Variants in EPHA6 observed in about 807,000 individuals in gnomAD.
EPHA6 encodes ephrin type-A receptor 6.
In EPHA6, 50 loss-of-function variants were observed where a neutral mutation model predicts 112.0. The ratio of observed to expected loss-of-function variants is 0.45; its 90% confidence interval spans 0.36 to 0.56. EPHA6 has a LOEUF of 0.56. EPHA6 is among the 20% of genes least tolerant of loss of function. EPHA6 has a pLI of 0.00. For missense variants in EPHA6, 1,280 were observed against 1,417.4 expected (o/e 0.90, Z 1.56); for synonymous variants, 529 against 490.7 (o/e 1.08, Z -1.03).
At chr3:97,021,686 G>C (rs2044466419) in intron 3 of EPHA6, among the ~76,000 whole-genome samples, 1 of 152,188 alleles carries the variant, frequency 6.6e-6, no homozygotes, top group Non-Finnish European at 1.5e-5. Flanking sequence ...TTGTGCACTT[G>C]TCTCTTCTTC....
rs553667948 is a variant in EPHA6 at position 97,240,285 on chromosome 3, C to T, written c.1271-3667C>T. Among the ~76,000 whole-genome samples, 14 of 151,724 alleles carry T rather than the reference C, an allele frequency of 9.2e-5. No homozygotes were observed. In the East Asian group the frequency reaches 2.3e-3, roughly 25 times the overall value. On this transcript the variant is annotated intron_variant, in intron 4 of 17. Transcript: ENST00000389672. ...GTGTTCCTTTAATCTTGTCTTTAAC[C>T]CAGATTAGCATAGAACTATTTTTCT...
intron 5 of EPHA6, among the ~76,000 whole-genome samples, chr3:97,255,144 ATGTGTGTGTGTG>A (rs10631180): frequency 1.0e-4 from 15 of 144,370 alleles, no homozygotes; most frequent in South Asian, 2.3e-4. Context: ...TACATCTTGG[ATGTGTGTGTGTG>A]TGTGTGTGTG....
intron 13 of EPHA6, among the ~76,000 whole-genome samples, chr3:97,625,286 A>G (rs2093846234): frequency 6.6e-6 from 1 of 151,492 alleles, no homozygotes; most frequent in Non-Finnish European, 1.5e-5. Flanking sequence ...TCTCTTTGTG[A>G]TTTCTTCTTT....
At chr3:97,127,356 T>G (rs2048211068) in intron 3 of EPHA6, among the ~76,000 whole-genome samples, 1 of 152,244 alleles carries the variant, frequency 6.6e-6, no homozygotes, top group East Asian at 1.9e-4. Flanking sequence ...CTTATCTTCT[T>G]CAAGGGATGA....
intron 5 of EPHA6, among the ~76,000 whole-genome samples, chr3:97,344,943 T>C (rs2083467360): frequency 6.6e-6 from 1 of 151,804 alleles, no homozygotes. Flanking sequence ...AAGAATAGGA[T>C]TGGATTTTGT....
intron 5 of EPHA6, among the ~76,000 whole-genome samples, chr3:97,344,594 C>T (rs2083451103): frequency 6.6e-6 from 1 of 152,090 alleles, no homozygotes; most frequent in African/African-American, 2.4e-5. Context: ...CAGACTTACA[C>T]CCCCCAGAAC....
At position 96,985,970 on chromosome 3, in the gene EPHA6, C is replaced by G. The variant is rs113862999; in HGVS notation, c.451-1360C>G. Among the ~76,000 whole-genome samples, 780 of 152,104 alleles carry G rather than the reference C, an allele frequency of 5.1e-3. 7 individuals carry two copies. The highest frequency in any genetic ancestry group is 0.017 in the African/African-American group (707 of 41,512). ...TAAATAACTGAAGTATGTTATCAAC[C>G]AATAGAACCCTTATTCACTATAGCA... On this transcript the variant is annotated intron_variant, in intron 2 of 17. Transcript: ENST00000389672.
At position 97,231,405 on chromosome 3, in the gene EPHA6, G is replaced by A. The variant is rs1201038299; in HGVS notation, c.1270+4986G>A. Among the ~76,000 whole-genome samples, 6 of 152,214 alleles carry A rather than the reference G, an allele frequency of 3.9e-5. No homozygotes were observed. The East Asian group carries it at 7.7e-4, about 20-fold the overall frequency. On this transcript the variant is annotated intron_variant, in intron 4 of 17. Coordinates refer to ENST00000389672, the MANE Select transcript of EPHA6 (RefSeq NM_001080448.3). Reference sequence around the variant, plus strand: ...GAATCTTGGTGATACAAGAGCAAACGGAAAGCTACTCTTTCACCCTCTCTG... The same window carrying A: ...GAATCTTGGTGATACAAGAGCAAACAGAAAGCTACTCTTTCACCCTCTCTG...
intron 10 of EPHA6, among the ~76,000 whole-genome samples, chr3:97,490,463 G>A (rs1390556036): frequency 6.6e-6 from 1 of 152,014 alleles, no homozygotes; most frequent in African/African-American, 2.4e-5. Context: ...TTGAAGAGTT[G>A]TTTATAACTT....
chr3:97,287,134 G>C (rs1004084708), intron 5 of EPHA6, among the ~76,000 whole-genome samples: 2 of 152,114 alleles, frequency 1.3e-5, no homozygotes, highest in Non-Finnish European at 2.9e-5. Flanking sequence ...AGGTCTAAGA[G>C]TCTTTTGGTG....
At chr3:97,629,032 G>GA (rs1259717440) in intron 13 of EPHA6, among the ~76,000 whole-genome samples, 1 of 151,952 alleles carries the variant, frequency 6.6e-6, no homozygotes, top group African/African-American at 2.4e-5. Context: ...TTCTGGGCTT[G>GA]AAATTCTCCC....
intron 3 of EPHA6, among the ~76,000 whole-genome samples, chr3:97,116,354 T>C (rs1245235637): frequency 1.3e-5 from 2 of 151,698 alleles, no homozygotes; most frequent in East Asian, 3.9e-4. Flanking sequence ...TATCTGTGTG[T>C]ATATATGAAA....
chr3:97,542,825 T>A (rs2092883217), intron 11 of EPHA6, among the ~76,000 whole-genome samples: 1 of 152,208 alleles, frequency 6.6e-6, no homozygotes, highest in Non-Finnish European at 1.5e-5. Context: ...TGGTTTTGAT[T>A]TGCATTTCTC....
chr3:97,445,684 G>A (rs1489287534), intron 6 of EPHA6, among the ~76,000 whole-genome samples: 1 of 151,214 alleles, frequency 6.6e-6, no homozygotes, highest in Admixed American at 6.6e-5. Context: ...AGTAAGAACA[G>A]ATATCAAATG....
At position 97,255,453 on chromosome 3, in the gene EPHA6, C is replaced by T. The variant is rs899299662; in HGVS notation, c.1606+11166C>T. ...ACTTTGAGTTTTAGTTTTCTCTTATCGTTCAAACCCTTAACATTTGCCACT... is the reference window on the plus strand; with the variant it reads ...ACTTTGAGTTTTAGTTTTCTCTTATTGTTCAAACCCTTAACATTTGCCACT... On this transcript the variant is annotated intron_variant, in intron 5 of 17. Coordinates refer to ENST00000389672, the MANE Select transcript of EPHA6 (RefSeq NM_001080448.3). 4.6e-5 allele frequency among the ~76,000 whole-genome samples: 7 copies of T among 152,092 alleles called. No individual in the cohort carries two copies. In the South Asian group the frequency reaches 8.3e-4, roughly 18 times the overall value.
chr3:97,465,956 T>C, intron 7 of EPHA6, among the ~76,000 whole-genome samples: 1 of 151,562 alleles, frequency 6.6e-6, no homozygotes, highest in East Asian at 1.9e-4. Context: ...AGAAATGTTG[T>C]CTGCCCATTT....
chr3:97,736,912 T>G (rs139297463), intron 16 of EPHA6, among the ~76,000 whole-genome samples: 1 of 152,170 alleles, frequency 6.6e-6, no homozygotes, highest in East Asian at 1.9e-4. Flanking sequence ...GCTCACCTTC[T>G]TCACTCAGGG....
At chr3:97,696,899 T>C (rs1016688681) in intron 14 of EPHA6, among the ~76,000 whole-genome samples, 1 of 152,204 alleles carries the variant, frequency 6.6e-6, no homozygotes, top group African/African-American at 2.4e-5. Context: ...ACAGTGTCAG[T>C]GTGCAGGCTC....
intron 10 of EPHA6, among the ~76,000 whole-genome samples, chr3:97,495,703 A>C (rs2091959123): frequency 1.3e-5 from 2 of 152,286 alleles, no homozygotes; most frequent in East Asian, 3.9e-4. Flanking sequence ...TCTTATCATA[A>C]GAGCTCAGCA....
Sources: allele counts gnomAD v4.1 joint callset (sites outside exome capture counted in the v4.1 genomes callset), GRCh38; gene constraint gnomAD v4.1.1; transcripts MANE v1.5; gene names NCBI Gene and HGNC (gene_info 2026-07-23, HGNC 2026-07-21).